Variants in DCC observed in about 807,000 individuals in gnomAD.
DCC encodes DCC netrin 1 receptor, also known as netrin receptor DCC.
A neutral mutation model predicts 172.5 loss-of-function variants in DCC; 58 were observed. That is an observed-to-expected ratio of 0.34 (90% CI 0.27 to 0.42). DCC has a LOEUF of 0.42. DCC is among the 10% of genes least tolerant of loss of function. The pLI is 1.00. For synonymous variants in DCC, 709 were observed against 644.5 expected (o/e 1.10, Z -1.52); for missense variants, 1,740 against 1,791.0 (o/e 0.97, Z 0.51).
intron 1 of DCC, among the ~76,000 whole-genome samples, chr18:52,372,131 A>G (rs1353166445): frequency 6.6e-6 from 1 of 152,208 alleles, no homozygotes; most frequent in East Asian, 1.9e-4. Context: ...TGCTTTAGTT[A>G]TGCCCTCTTC....
At chr18:53,147,735 G>T (rs1380278947) in intron 7 of DCC, among the ~76,000 whole-genome samples, 3 of 152,164 alleles carry the variant, frequency 2.0e-5, no homozygotes, top group Non-Finnish European at 4.4e-5. Flanking sequence ...CTGATTCTCA[G>T]ATAATTTTTT....
intron 12 of DCC, among the ~76,000 whole-genome samples, chr18:53,284,322 C>T (rs957718329): frequency 3.5e-4 from 54 of 152,258 alleles, no homozygotes; most frequent in African/African-American, 1.2e-3. Flanking sequence ...TGAATTGTAA[C>T]TCCCACAATC....
intron 12 of DCC, among the ~76,000 whole-genome samples, chr18:53,281,976 A>G (rs1382065115): frequency 1.3e-5 from 2 of 152,168 alleles, no homozygotes; most frequent in East Asian, 3.9e-4. Flanking sequence ...TTCAAAACTA[A>G]GACAAGCACC....
chr18:53,079,989 A>G (rs902074043), intron 7 of DCC, among the ~76,000 whole-genome samples: 1 of 152,142 alleles, frequency 6.6e-6, no homozygotes, highest in Non-Finnish European at 1.5e-5. Flanking sequence ...GGCTAAATGT[A>G]AAAGATAGGC....
rs577806309 is a variant in DCC at position 53,063,261 on chromosome 18, A to AC, written c.986-43dup. On this transcript the variant is annotated intron_variant, in intron 5 of 28. Coordinates refer to ENST00000442544, the MANE Select transcript of DCC (RefSeq NM_005215.4). The stretch of plus-strand genomic sequence containing the variant: ...GAAGACCTCAGCAGCATGCAAGTTC[A>AC]CATCCCCACCCACTCACTCACTTTT... 764 of 1,603,618 alleles carry AC rather than the reference A, an allele frequency of 4.8e-4. 8 individuals are homozygous for AC. In the East Asian group the frequency reaches 0.013, roughly 27 times the overall value.
chr18:53,298,668 C>G (rs979476709), intron 12 of DCC, among the ~76,000 whole-genome samples: 1 of 150,058 alleles, frequency 6.7e-6, no homozygotes, highest in African/African-American at 2.4e-5. Context: ...TCCTTTTCAA[C>G]TTGAATTTAT....
At chr18:52,592,080 A>C (rs1357795087) in intron 1 of DCC, among the ~76,000 whole-genome samples, 1 of 152,130 alleles carries the variant, frequency 6.6e-6, no homozygotes, top group East Asian at 1.9e-4. Flanking sequence ...AAAAGTAAAC[A>C]TGCTTTAGTC....
intron 27 of DCC, among the ~76,000 whole-genome samples, chr18:53,502,544 C>G (rs147208802): frequency 1.4e-3 from 213 of 149,626 alleles, no homozygotes; most frequent in African/African-American, 5.2e-3. Flanking sequence ...GAGCTTTCAA[C>G]AAGTTTTGAT....
intron 1 of DCC, among the ~76,000 whole-genome samples, chr18:52,568,948 A>T (rs548320695): frequency 6.6e-6 from 1 of 152,218 alleles, no homozygotes; most frequent in Non-Finnish European, 1.5e-5. Flanking sequence ...ATTTAAAAAT[A>T]TATTTGTTTG....
At chr18:52,346,158 G>A (rs1261903561) in intron 1 of DCC, among the ~76,000 whole-genome samples, 1 of 152,112 alleles carries the variant, frequency 6.6e-6, no homozygotes, top group Non-Finnish European at 1.5e-5. Context: ...AAGAAAGGAT[G>A]AACAATCCAG....
At chr18:52,983,427 G>A (rs1568227014) in intron 5 of DCC, among the ~76,000 whole-genome samples, 1 of 152,010 alleles carries the variant, frequency 6.6e-6, no homozygotes, top group Non-Finnish European at 1.5e-5. Context: ...ATCCTATCTG[G>A]GAAAATGGGC....
chr18:52,870,537 G>T (rs377606279), intron 2 of DCC, among the ~76,000 whole-genome samples: 3 of 152,134 alleles, frequency 2.0e-5, no homozygotes, highest in Non-Finnish European at 2.9e-5. Flanking sequence ...CCATTATTCC[G>T]GAGGCCGTAG....
chr18:52,603,684 G>A (rs982882976), intron 1 of DCC, among the ~76,000 whole-genome samples: 2 of 150,562 alleles, frequency 1.3e-5, no homozygotes, highest in African/African-American at 4.9e-5. Flanking sequence ...GAAATCTACA[G>A]TTAAATAAAG....
At chr18:52,675,926 C>CTA (rs1466739415) in intron 1 of DCC, among the ~76,000 whole-genome samples, 4 of 152,270 alleles carry the variant, frequency 2.6e-5, no homozygotes, top group Non-Finnish European at 4.4e-5. Flanking sequence ...AGCTCTTTGA[C>CTA]TATGTGGGTA....
At chr18:53,514,820 C>T (rs1373292452) in intron 27 of DCC, among the ~76,000 whole-genome samples, 2 of 151,960 alleles carry the variant, frequency 1.3e-5, no homozygotes, top group African/African-American at 2.4e-5. Context: ...GCTTACCAAC[C>T]AAAAAGAGTC....
At chr18:52,826,319 C>T (rs2145284207) in intron 2 of DCC, among the ~76,000 whole-genome samples, 1 of 152,256 alleles carries the variant, frequency 6.6e-6, no homozygotes, top group Non-Finnish European at 1.5e-5. Flanking sequence ...TTAGGTGTCC[C>T]TGTGCCTACA....
chr18:52,883,323 A>ATTTT (rs200552057), intron 2 of DCC, among the ~76,000 whole-genome samples: 2 of 116,496 alleles, frequency 1.7e-5, no homozygotes, highest in African/African-American at 7.0e-5. Context: ...TTTTTATTTT[A>ATTTT]TTTTTTATTT....
In DCC at chr18:52,906,175, C is replaced by A; in HGVS notation, c.544C>A (p.Pro182Thr). 6.2e-7 allele frequency: 1 copy of A among 1,614,080 alleles called. No individual in the cohort carries two copies. The highest frequency in any genetic ancestry group is 8.5e-7 in the Non-Finnish European group (1 of 1,180,026). Residue 182 changes from proline to threonine, a missense_variant, in exon 3 of 29, where the codon CCA (proline) becomes ACA (threonine). Pro to Thr is a conservative substitution (Grantham distance 38). Around this residue, in one of 2 missense-constraint regions of DCC, gnomAD observed 1,732 missense variants for 1,767.4 expected, o/e 0.98. Transcript: ENST00000442544. The stretch of plus-strand genomic sequence containing the variant: ...GCAGAAGAACCAACAAGACCTGACT[C>A]CAATCCCAGGTGACTCCCGAGTGGT... ...HWQKNQQDLTPIPGDSRVVVL... is the reference protein window; with the variant it reads ...HWQKNQQDLTTIPGDSRVVVL...
At chr18:53,512,355 T>A (rs2046267847) in intron 27 of DCC, among the ~76,000 whole-genome samples, 1 of 149,666 alleles carries the variant, frequency 6.7e-6, no homozygotes, top group Admixed American at 6.7e-5. Flanking sequence ...ACCACAAAGA[T>A]GGGGAAAAAA....
Sources: allele counts gnomAD v4.1 joint callset (sites outside exome capture counted in the v4.1 genomes callset), GRCh38; gene constraint gnomAD v4.1.1; regional missense constraint gnomAD v4.1.1; transcripts MANE v1.5; gene names NCBI Gene and HGNC (gene_info 2026-07-23, HGNC 2026-07-21).